CCDC141: variants seen among roughly 807,000 people sequenced by gnomAD.
CCDC141 encodes the protein coiled-coil domain-containing protein 141.
In CCDC141, 168 loss-of-function variants were observed where a neutral mutation model predicts 181.0. The ratio of observed to expected loss-of-function variants is 0.93; its 90% CI spans 0.82 to 1.05. CCDC141 has a LOEUF of 1.05. CCDC141 is among the 50% of genes least tolerant of loss of function. The pLI is 0.00. For missense variants in CCDC141, 1,902 were observed against 1,788.5 expected (o/e 1.06, Z -1.14); for synonymous variants, 666 against 642.3 (o/e 1.04, Z -0.56).
intron 11 of CCDC141, among the ~76,000 whole-genome samples, chr2:178,879,805 C>T (rs1251897573): frequency 6.6e-6 from 1 of 152,072 alleles, no homozygotes; most frequent in East Asian, 1.9e-4. Context: ...AAAGGGGATC[C>T]CAGATGGGAG....
intron 2 of CCDC141, among the ~76,000 whole-genome samples, chr2:179,039,829 C>G (rs774373277): frequency 6.6e-5 from 10 of 152,122 alleles, no homozygotes; most frequent in Non-Finnish European, 1.2e-4. Flanking sequence ...AGCATATTAG[C>G]TAGTAAATTG....
intron 2 of CCDC141, among the ~76,000 whole-genome samples, chr2:179,004,708 TA>T (rs1420654364): frequency 6.6e-6 from 1 of 152,170 alleles, no homozygotes; most frequent in Non-Finnish European, 1.5e-5. Flanking sequence ...AAATGCTTCC[TA>T]AATAAAGAAC....
intron 2 of CCDC141, among the ~76,000 whole-genome samples, chr2:179,012,403 C>A (rs532216254): frequency 1.3e-5 from 2 of 152,134 alleles, no homozygotes; most frequent in Admixed American, 1.3e-4. Context: ...AATACAAACC[C>A]TCCTACCTTA....
chr2:178,858,197 G>C (rs1408163750), intron 17 of CCDC141, among the ~76,000 whole-genome samples: 2 of 152,068 alleles, frequency 1.3e-5, no homozygotes, highest in Non-Finnish European at 2.9e-5. Flanking sequence ...TTCAGAATTT[G>C]AACATTATTT....
chr2:179,015,379 A>ATGTATCATAGATC (rs1553502968), intron 2 of CCDC141, among the ~76,000 whole-genome samples: 1 of 128,018 alleles, frequency 7.8e-6, no homozygotes, highest in Non-Finnish European at 1.6e-5. Flanking sequence ...TATCATATAT[A>ATGTATCATAGATC]TCTCATATAT....
At chr2:178,839,543 G>T (rs1684632023) in intron 22 of CCDC141, among the ~76,000 whole-genome samples, 1 of 116,728 alleles carries the variant, frequency 8.6e-6, no homozygotes. Flanking sequence ...TCGTGCCATT[G>T]TACCCCAGCC....
intron 2 of CCDC141, among the ~76,000 whole-genome samples, chr2:179,033,187 T>C (rs1255064889): frequency 6.6e-6 from 1 of 151,676 alleles, no homozygotes; most frequent in Non-Finnish European, 1.5e-5. Context: ...GTTCTTCACA[T>C]CCACATCCAC....
In CCDC141 at chr2:178,978,418, AC is replaced by A. The variant is rs1691217614; in HGVS notation, c.417+65del. The stretch of plus-strand genomic sequence containing the variant: ...GCAATGTCTATTTGTGAAAAAATAA[AC>A]ATTTTCAGGAGTGCTATTCATTTGC... On this transcript the variant is annotated intron_variant, in intron 3 of 23. Transcript: ENST00000443758. 3 of 1,055,524 alleles carry A rather than the reference AC, an allele frequency of 2.8e-6. No individual in the cohort carries two copies. In the South Asian group the frequency reaches 1.1e-4, roughly 37 times the overall value. The allele number at this position is 1,055,524 out of a possible 1,614,324, so 65.4% of individuals were successfully genotyped here.
At chr2:178,915,108 G>A (rs1486863320) in intron 7 of CCDC141, among the ~76,000 whole-genome samples, 2 of 151,986 alleles carry the variant, frequency 1.3e-5, no homozygotes, top group East Asian at 3.9e-4. Flanking sequence ...CGGAGGTCAG[G>A]GCTACAGTGA....
At chr2:179,009,695 T>C (rs1197943034) in intron 2 of CCDC141, among the ~76,000 whole-genome samples, 1 of 146,100 alleles carries the variant, frequency 6.8e-6, no homozygotes, top group Admixed American at 6.8e-5. Flanking sequence ...GTGCAGTGGA[T>C]TCTGTGAGGG....
chr2:178,829,756 A>T (rs1386983826), downstream of CCDC141: 1 of 152,266 alleles, frequency 6.6e-6, no homozygotes, highest in Admixed American at 6.5e-5. Context: ...ATATCAGAGC[A>T]TACTGGAAGG....
intron 6 of CCDC141, among the ~76,000 whole-genome samples, chr2:178,933,713 A>G (rs764491921): frequency 2.0e-5 from 3 of 152,194 alleles, no homozygotes; most frequent in Non-Finnish European, 4.4e-5. Context: ...AGTTGAAGCT[A>G]TACTTTGCTT....
chr2:178,846,207 G>A (rs1684933396), intron 21 of CCDC141, among the ~76,000 whole-genome samples: 1 of 152,164 alleles, frequency 6.6e-6, no homozygotes, highest in African/African-American at 2.4e-5. Context: ...ATATCACTGA[G>A]TATAGTAAAG....
chr2:178,868,179 C>T lies in CCDC141; in HGVS notation c.2421G>A (p.Glu807=). The part of the protein sequence containing the change: ...EELGRLIKSR[E]LEFVEQPKEL... ...CCTTCGGCTGCTCTACAAACTCCAG[C>T]TCTCTTGATTTGATGAGACGTCCCA... Residue 807 remains glutamate, a synonymous_variant, in exon 16 of 24, where the codon GAG becomes GAA. Transcript: ENST00000443758. 1 of 1,612,766 alleles carries T rather than the reference C, an allele frequency of 6.2e-7. No individual in the cohort carries two copies. The highest frequency in any genetic ancestry group is 8.5e-7 in the Non-Finnish European group (1 of 1,178,886).
chr2:178,939,654 G>T (rs1689427746), intron 6 of CCDC141, among the ~76,000 whole-genome samples: 1 of 152,092 alleles, frequency 6.6e-6, no homozygotes, highest in Admixed American at 6.6e-5. Flanking sequence ...CACCATGTGA[G>T]GTGGGTAGAA....
intron 9 of CCDC141, among the ~76,000 whole-genome samples, chr2:178,887,238 C>CCAATTTA (rs1686928758): frequency 6.6e-6 from 1 of 152,042 alleles, no homozygotes; most frequent in East Asian, 1.9e-4. Context: ...TGAATAGGAC[C>CCAATTTA]CAATTTACAG....
At chr2:178,986,173 A>T (rs1173364209) in intron 2 of CCDC141, among the ~76,000 whole-genome samples, 1 of 152,238 alleles carries the variant, frequency 6.6e-6, no homozygotes. Context: ...TACGCAAATC[A>T]ATAAATGTCA....
At chr2:178,997,347 A>G (rs1339857019) in intron 2 of CCDC141, among the ~76,000 whole-genome samples, 2 of 152,068 alleles carry the variant, frequency 1.3e-5, no homozygotes, top group Non-Finnish European at 2.9e-5. Context: ...TTTATTGTCC[A>G]TTGCTGAGCC....
At chr2:178,873,292 A>G in intron 12 of CCDC141, 1 of 118,390 alleles carries the variant, frequency 8.4e-6, no homozygotes, top group East Asian at 7.6e-4. Context: ...TAAAGTGGCA[A>G]CTCCAAAAAA....
Sources: gnomAD v4.1 joint callset for allele counts (sites outside exome capture counted in the v4.1 genomes callset) on GRCh38, gnomAD v4.1.1 for gene constraint, MANE v1.5 for transcripts, NCBI Gene and HGNC (gene_info 2026-07-23, HGNC 2026-07-21) for gene names.